EDIL3: variants seen among roughly 807,000 people sequenced by gnomAD.
The protein encoded by EDIL3 is EGF like and discoidin domains 3, also known as EGF-like repeat and discoidin I-like domain-containing protein 3.
In EDIL3, 37 loss-of-function variants were observed where a neutral mutation model predicts 67.4. That is an observed-to-expected ratio of 0.55 (90% CI 0.42 to 0.72). The LOEUF is 0.72. Among genes scored for constraint, EDIL3 ranks in the 30% least tolerant of loss-of-function variants. EDIL3 has a pLI of 0.00. For missense variants in EDIL3, 527 were observed against 586.3 expected, an observed-to-expected ratio of 0.90 and a Z score of 1.04; for synonymous variants, 195 against 196.3, an observed-to-expected ratio of 0.99 and a Z score of 0.05.
intron 6 of EDIL3, among the ~76,000 whole-genome samples, chr5:84,100,681 C>A (rs946949061): frequency 1.3e-5 from 2 of 152,002 alleles, no homozygotes; most frequent in African/African-American, 2.4e-5. Flanking sequence ...TGTAATAAAC[C>A]TGCATGTTTT....
chr5:84,212,468 C>A (rs942848309), intron 3 of EDIL3, among the ~76,000 whole-genome samples: 3 of 152,196 alleles, frequency 2.0e-5, no homozygotes, highest in Non-Finnish European at 4.4e-5. Context: ...ACATGATTTA[C>A]TTGGAAGAAA....
At chr5:84,367,180 A>G (rs979820076) in intron 1 of EDIL3, among the ~76,000 whole-genome samples, 1 of 152,236 alleles carries the variant, frequency 6.6e-6, no homozygotes, top group African/African-American at 2.4e-5. Context: ...AAAAACAAAT[A>G]GCATTTCTTA....
At chr5:83,947,152 G>A (rs1446015910) in intron 10 of EDIL3, among the ~76,000 whole-genome samples, 1 of 151,732 alleles carries the variant, frequency 6.6e-6, no homozygotes, top group Non-Finnish European at 1.5e-5. Flanking sequence ...GACTATAGTC[G>A]AACCGCATCT....
intron 9 of EDIL3, among the ~76,000 whole-genome samples, chr5:84,011,750 C>CT (rs1250342268): frequency 1.3e-5 from 2 of 152,058 alleles, no homozygotes; most frequent in African/African-American, 2.4e-5. Context: ...TGACTTTTGC[C>CT]TTTCTCCCCA....
intron 1 of EDIL3, among the ~76,000 whole-genome samples, chr5:84,357,439 T>C (rs1322779645): frequency 6.6e-6 from 1 of 152,180 alleles, no homozygotes; most frequent in Non-Finnish European, 1.5e-5. Flanking sequence ...TCAAAGCAGA[T>C]GGCCCATTTA....
chr5:84,134,943 C>A (rs164434), intron 5 of EDIL3, among the ~76,000 whole-genome samples: 46,603 of 151,990 alleles, frequency 0.31, 7,718 homozygotes, highest in Non-Finnish European at 0.37. Context: ...AGTTAATTCA[C>A]AGAAAAGCAA....
intron 6 of EDIL3, among the ~76,000 whole-genome samples, chr5:84,073,708 A>C (rs1746790477): frequency 6.6e-6 from 1 of 151,856 alleles, no homozygotes; most frequent in African/African-American, 2.4e-5. Flanking sequence ...GGATACAAAC[A>C]AATGGAAGAA....
At chr5:84,180,287 C>G in intron 4 of EDIL3, 106 bp downstream of exon 4, 1 of 1,299,570 alleles carries the variant, frequency 7.7e-7, no homozygotes, top group Non-Finnish European at 1.0e-6. Context: ...AGCCAGGGCT[C>G]TCTTCTGCTC....
Position 84,083,626 on chromosome 5 carries a change from A to AT in EDIL3, c.652-17021dup, listed in dbSNP as rs1400342618. Among the ~76,000 whole-genome samples the AT allele has an allele frequency of 2.0e-5, 3 of 151,854 alleles. No homozygotes were observed. In the East Asian group the frequency reaches 5.8e-4, roughly 29 times the overall value. ...TTTTTTTTTAACTTTTTAAGCCAAA[A>AT]TTTTTTCATCTATACAATGGTAGTA... On this transcript the variant is annotated intron_variant, in intron 6 of 10. Coordinates refer to ENST00000296591, the MANE Select transcript of EDIL3 (RefSeq NM_005711.5).
intron 3 of EDIL3, among the ~76,000 whole-genome samples, chr5:84,225,139 T>C (rs368661939): frequency 1.3e-5 from 2 of 151,666 alleles, no homozygotes; most frequent in South Asian, 4.1e-4. Flanking sequence ...TGTTATGAAA[T>C]ATGGTCTTTT....
intron 1 of EDIL3, among the ~76,000 whole-genome samples, chr5:84,256,148 C>CTATCTATCTATCATCT (rs3046886): frequency 0.19 from 27,818 of 146,164 alleles, 2,784 homozygotes; most frequent in East Asian, 0.3. Context: ...ATCTATCTAT[C>CTATCTATCTATCATCT]ATCTATCTAT....
At chr5:84,272,438 C>T (rs947498390) in intron 1 of EDIL3, among the ~76,000 whole-genome samples, 1 of 151,974 alleles carries the variant, frequency 6.6e-6, no homozygotes, top group African/African-American at 2.4e-5. Flanking sequence ...ACTTATTTAT[C>T]AAAGATTTGT....
chr5:84,221,498 T>C (rs1440409076), intron 3 of EDIL3, among the ~76,000 whole-genome samples: 1 of 152,056 alleles, frequency 6.6e-6, no homozygotes, highest in Admixed American at 6.6e-5. Flanking sequence ...GAATTTAAAT[T>C]ACAATTATTT....
intron 1 of EDIL3, among the ~76,000 whole-genome samples, chr5:84,263,543 G>C (rs922197182): frequency 1.3e-5 from 2 of 152,118 alleles, no homozygotes; most frequent in African/African-American, 4.8e-5. Context: ...GGCAGAGTTG[G>C]CATCCTACTC....
chr5:84,265,123 T>C (rs909755923), intron 1 of EDIL3, among the ~76,000 whole-genome samples: 6 of 152,200 alleles, frequency 3.9e-5, no homozygotes, highest in African/African-American at 1.4e-4. Context: ...AGGTATGTAA[T>C]GTTAAAATTA....
intron 1 of EDIL3, among the ~76,000 whole-genome samples, chr5:84,354,983 G>A (rs1166348157): frequency 6.6e-6 from 1 of 152,126 alleles, no homozygotes; most frequent in African/African-American, 2.4e-5. Context: ...TTCTCGAGGA[G>A]TATCTTTGTG....
chr5:84,191,407 C>A (rs1743582604), intron 3 of EDIL3, among the ~76,000 whole-genome samples: 2 of 152,134 alleles, frequency 1.3e-5, no homozygotes, highest in East Asian at 3.9e-4. Context: ...TGGCACCTAC[C>A]TAGACTTCAC....
At chr5:84,240,238 C>T (rs918601522) in intron 2 of EDIL3, among the ~76,000 whole-genome samples, 5 of 152,034 alleles carry the variant, frequency 3.3e-5, no homozygotes, top group African/African-American at 9.7e-5. Flanking sequence ...ACAATGTAAT[C>T]CTCAAAAGAA....
chr5:84,248,687 T>C (rs1012540364), intron 2 of EDIL3, among the ~76,000 whole-genome samples: 3 of 152,182 alleles, frequency 2.0e-5, no homozygotes, highest in Non-Finnish European at 4.4e-5. Flanking sequence ...TGTATTGTCA[T>C]TTATAATATC....
Sources: allele counts gnomAD v4.1 joint callset (sites outside exome capture counted in the v4.1 genomes callset), GRCh38; gene constraint gnomAD v4.1.1; transcripts MANE v1.5; gene names NCBI Gene and HGNC (gene_info 2026-07-23, HGNC 2026-07-21).